The following ZDHHC5 variants were observed in gnomAD, a reference collection of about 807,000 sequenced individuals.
The protein encoded by ZDHHC5 is palmitoyltransferase ZDHHC5.
ZDHHC5 carries 22 observed loss-of-function variants against 70.0 expected under a neutral mutation model. That is an observed-to-expected ratio of 0.31 (90% CI 0.22 to 0.45). The LOEUF (loss-of-function observed/expected upper bound fraction) is 0.45, where lower values mean the gene tolerates loss of function less well. ZDHHC5 is among the 20% of genes least tolerant of loss of function. The pLI, the probability that ZDHHC5 is intolerant of heterozygous loss-of-function variation, is 1.00. For synonymous variants in ZDHHC5, 313 were observed against 347.8 expected (o/e 0.90, Z 1.11); for missense variants, 746 against 926.9 (o/e 0.80, Z 2.53).
intron 2 of ZDHHC5, among the ~76,000 whole-genome samples, chr11:57,675,503 A>G (rs1317906508): frequency 1.3e-5 from 2 of 152,216 alleles, no homozygotes; most frequent in Non-Finnish European, 2.9e-5. Flanking sequence ...AGCTCTAGGA[A>G]AAAGGATTTT....
intron 3 of ZDHHC5, among the ~76,000 whole-genome samples, chr11:57,684,044 T>C (rs1184291940): frequency 2.9e-5 from 4 of 140,188 alleles, no homozygotes; most frequent in Non-Finnish European, 6.1e-5. Flanking sequence ...CAATCACGGC[T>C]CACTGCAGCC....
In ZDHHC5 at chr11:57,690,388, C is replaced by T. The variant is rs199628795; in HGVS notation, c.611C>T (p.Thr204Met). ...GLFFIPVAGL[T>M]GFHVVLVARG... ...TTCTTCATCCCTGTAGCTGGCCTCA[C>T]GGGATTTCACGTGGTTCTGGTGGCC... The change falls in exon 6 of 12, where the codon ACG becomes ATG. Residue 204 changes from threonine (T) to methionine (M), a missense_variant. Coordinates refer to ENST00000287169, the MANE Select transcript of ZDHHC5 (RefSeq NM_015457.3). 36 of 1,614,080 alleles carry T rather than the reference C, an allele frequency of 2.2e-5. No homozygotes were observed. Among genetic ancestry groups the T allele is most frequent in the African/African-American group, 8.0e-5 (6 of 74,994 alleles).
At chr11:57,675,282 A>G (rs1946057224) in intron 2 of ZDHHC5, among the ~76,000 whole-genome samples, 1 of 152,198 alleles carries the variant, frequency 6.6e-6, no homozygotes, top group Admixed American at 6.5e-5. Flanking sequence ...CTGTCTTTCA[A>G]GCTCCCTCTT....
rs193089349 is a variant in ZDHHC5, at chr11:57,681,958, C to T, written c.105-464C>T. Among the ~76,000 whole-genome samples, 435 of 152,276 alleles carry T rather than the reference C, an allele frequency of 2.9e-3. 6 individuals are homozygous for T. Among genetic ancestry groups the T allele is most frequent in the Admixed American group, 3.3e-3 (51 of 15,308 alleles). ...GTTCAGTCCCCTGGCAAGGGGGAGGCGGGGGCTAGAAAGGTAGGTGGTATC... is the reference window on the plus strand; with the variant it reads ...GTTCAGTCCCCTGGCAAGGGGGAGGTGGGGGCTAGAAAGGTAGGTGGTATC... On this transcript the variant is annotated intron_variant, in intron 2 of 11. Coordinates refer to ENST00000287169, the MANE Select transcript of ZDHHC5 (RefSeq NM_015457.3).
chr11:57,687,382 G>A (rs1946220629), intron 3 of ZDHHC5, among the ~76,000 whole-genome samples: 1 of 151,860 alleles, frequency 6.6e-6, no homozygotes, highest in Non-Finnish European at 1.5e-5. Context: ...ACCAGCCTGG[G>A]GAACACGGTA....
intron 6 of ZDHHC5, among the ~76,000 whole-genome samples, chr11:57,691,094 CAG>C (rs1946280045): frequency 6.6e-6 from 1 of 151,932 alleles, no homozygotes; most frequent in South Asian, 2.1e-4. Flanking sequence ...TTTTTTGAGA[CAG>C]AGTCTTGATC....
intron 2 of ZDHHC5, among the ~76,000 whole-genome samples, chr11:57,677,544 C>G (rs1946088072): frequency 6.6e-6 from 1 of 152,134 alleles, no homozygotes; most frequent in African/African-American, 2.4e-5. Flanking sequence ...ACCTCGGCCT[C>G]TCAAAGTCCT....
intron 2 of ZDHHC5, among the ~76,000 whole-genome samples, chr11:57,676,840 G>A (rs1391761470): frequency 1.3e-5 from 2 of 149,096 alleles, no homozygotes; most frequent in Non-Finnish European, 3.0e-5. Flanking sequence ...AATTAGTCCA[G>A]TTAAGGTCTT....
chr11:57,681,424 G>A (rs1946148716), intron 2 of ZDHHC5: 1 of 152,194 alleles, frequency 6.6e-6, no homozygotes, highest in Non-Finnish European at 1.5e-5. Flanking sequence ...CCACAAAGTA[G>A]ATTAGAGTAT....
At chr11:57,669,832 C>T (rs1288450445) in intron 1 of ZDHHC5, among the ~76,000 whole-genome samples, 5 of 152,212 alleles carry the variant, frequency 3.3e-5, no homozygotes, top group Non-Finnish European at 1.5e-5. Flanking sequence ...ACCATACTCA[C>T]CCTTGTGGTT....
intron 2 of ZDHHC5, among the ~76,000 whole-genome samples, chr11:57,676,909 ATTTTTT>A (rs72474322): frequency 1.2e-5 from 1 of 80,982 alleles, no homozygotes; most frequent in East Asian, 6.7e-4. Flanking sequence ...GCTTCACGTG[ATTTTTT>A]TTTTTTTTTT....
At chr11:57,684,699 A>G (rs1946188813) in intron 3 of ZDHHC5, among the ~76,000 whole-genome samples, 1 of 152,194 alleles carries the variant, frequency 6.6e-6, no homozygotes, top group Non-Finnish European at 1.5e-5. Flanking sequence ...AGGAGGGGAG[A>G]GAACCATCAT....
intron 7 of ZDHHC5, among the ~76,000 whole-genome samples, chr11:57,693,268 A>G (rs1377954160): frequency 6.6e-6 from 1 of 152,140 alleles, no homozygotes; most frequent in East Asian, 1.9e-4. Flanking sequence ...GAGCACACAT[A>G]CAACCTAGAT....
chr11:57,690,215 G>A lies in ZDHHC5; in HGVS notation c.557+12G>A, dbSNP rs1282672809. The A allele has an allele frequency of 1.9e-6, 3 of 1,613,682 alleles. No homozygotes were observed. Among genetic ancestry groups the A allele is most frequent in the African/African-American group, 1.3e-5 (1 of 74,880 alleles). On this transcript the variant is annotated intron_variant, in intron 5 of 11. Coordinates refer to ENST00000287169, the MANE Select transcript of ZDHHC5 (RefSeq NM_015457.3). ...CGCACGGCTGTCACGTATCCTTCAAGGCCTTTTAGATTGTGGGATTGGAAG... is the reference window on the plus strand; with the variant it reads ...CGCACGGCTGTCACGTATCCTTCAAAGCCTTTTAGATTGTGGGATTGGAAG...
Position 57,690,120 on chromosome 11 carries a change from C to G in ZDHHC5, c.474C>G (p.Ala158=), listed in dbSNP as rs753535561. Reference sequence around the variant, plus strand: ...TCCTTTTCCTCCTTTCCCTGACAGCCCACATTATGGGTGTGTTTGGCTTTG... The same window carrying G: ...TCCTTTTCCTCCTTTCCCTGACAGCGCACATTATGGGTGTGTTTGGCTTTG... ...YFFLFLLSLT[A]HIMGVFGFGL... Residue 158 remains alanine, a synonymous_variant, in exon 5 of 12, where the codon GCC becomes GCG. Transcript: ENST00000287169. The G allele has an allele frequency of 6.2e-7, 1 of 1,614,046 alleles. No individual in the cohort carries two copies.
intron 2 of ZDHHC5, 63 bp from the exon 3 acceptor site, chr11:57,682,358 TG>T: frequency 6.5e-7 from 1 of 1,541,094 alleles, no homozygotes; most frequent in Non-Finnish European, 8.8e-7. Context: ...TACAGATTTT[TG>T]TATGTATGGT....
rs550841912 is a variant in ZDHHC5, at chr11:57,682,650, A to G, written c.226+107A>G. ...CTTAAGAGTCCTGGGATTTTGGGAT[A>G]TGAAAAATAATGATTTGGGCATACG... On this transcript the variant is annotated intron_variant, in intron 3 of 11. Coordinates refer to ENST00000287169, the MANE Select transcript of ZDHHC5 (RefSeq NM_015457.3). The G allele has an allele frequency of 6.4e-5, 87 of 1,350,194 alleles. No homozygotes were observed. The Middle Eastern group carries it at 1.5e-3, about 24-fold the overall frequency. 83.6% of individuals were successfully genotyped at this position (1,350,194 alleles called of 1,614,324 possible).
Position 57,672,385 on chromosome 11 carries a change from GC to G in ZDHHC5, c.-704del, listed in dbSNP as rs1356927124. Reference sequence around the variant, plus strand: ...TTAGAACAGCTGTTGTCCAGCTTTAGCCATCAAGAGAGAAATAAATTAAACC... The same window carrying G: ...TTAGAACAGCTGTTGTCCAGCTTTAGCATCAAGAGAGAAATAAATTAAACC... On this transcript the variant is annotated 5_prime_UTR_variant, in exon 2 of 12. Transcript: ENST00000287169. 3 of 394,596 alleles carry G rather than the reference GC, an allele frequency of 7.6e-6. No homozygotes were observed. Among genetic ancestry groups the G allele is most frequent in the African/African-American group, 6.2e-5 (3 of 48,570 alleles). The allele number at this position is 394,596 out of a possible 1,614,324, so 24.4% of individuals were successfully genotyped here. A position where few individuals can be genotyped will look rare whatever the true frequency, so the allele number is the denominator to read the frequency against.
intron 2 of ZDHHC5, among the ~76,000 whole-genome samples, chr11:57,673,967 A>G (rs1206921687): frequency 3.3e-5 from 5 of 152,232 alleles, no homozygotes; most frequent in African/African-American, 9.6e-5. Context: ...AAATTTCAGA[A>G]TTGATTTATA....
Sources: allele counts gnomAD v4.1 joint callset (sites outside exome capture counted in the v4.1 genomes callset), GRCh38; gene constraint gnomAD v4.1.1; transcripts MANE v1.5; gene names NCBI Gene and HGNC (gene_info 2026-07-23, HGNC 2026-07-21).